The following GRIN2B variants were observed in gnomAD, a reference collection of about 807,000 sequenced individuals.
GRIN2B encodes the protein glutamate receptor ionotropic, NMDA 2B.
In GRIN2B, 5 loss-of-function variants were observed where a neutral mutation model predicts 114.5. The ratio of observed to expected loss-of-function variants is 0.04; its 90% CI spans 0.02 to 0.09. The LOEUF is 0.09. GRIN2B is among the 10% of genes least tolerant of loss of function. GRIN2B has a pLI of 1.00. For synonymous variants in GRIN2B, 787 were observed against 745.1 expected, an observed-to-expected ratio of 1.06 and a Z score of -0.92; for missense variants, 1,108 against 1,943.5, an observed-to-expected ratio of 0.57 and a Z score of 8.08.
At chr12:13,604,979 T>C (rs1023810923) in intron 10 of GRIN2B, among the ~76,000 whole-genome samples, 3 of 152,178 alleles carry the variant, frequency 2.0e-5, no homozygotes, top group Non-Finnish European at 2.9e-5. Flanking sequence ...ACTTGCTGAC[T>C]TGTTGCTTTC....
At chr12:13,759,957 C>T (rs769431261) in intron 3 of GRIN2B, among the ~76,000 whole-genome samples, 11 of 152,154 alleles carry the variant, frequency 7.2e-5, no homozygotes, top group Non-Finnish European at 1.6e-4. Flanking sequence ...ATTTCCCCTG[C>T]CTGAAACACT....
At chr12:13,842,288 G>T (rs1294103021) in intron 3 of GRIN2B, among the ~76,000 whole-genome samples, 4 of 152,162 alleles carry the variant, frequency 2.6e-5, no homozygotes, top group Non-Finnish European at 2.9e-5. Context: ...ACGTAGGTGG[G>T]TAACCACCTA....
At chr12:13,905,154 T>C (rs1176510394) in intron 2 of GRIN2B, among the ~76,000 whole-genome samples, 3 of 152,168 alleles carry the variant, frequency 2.0e-5, no homozygotes, top group East Asian at 3.9e-4. Flanking sequence ...TCATGGAAAA[T>C]TCTACAGCAT....
chr12:13,767,214 C>T (rs1017510966), intron 3 of GRIN2B, among the ~76,000 whole-genome samples: 2 of 147,758 alleles, frequency 1.4e-5, no homozygotes, highest in Admixed American at 1.4e-4. Context: ...GAGCGGAGAT[C>T]GCACCACTGC....
At chr12:13,675,623 G>A in intron 5 of GRIN2B, 122 bp downstream of exon 5, 1 of 739,970 alleles carries the variant, frequency 1.4e-6, no homozygotes, top group Admixed American at 1.9e-5. Flanking sequence ...GTGTATCAAG[G>A]TATTGATCCC....
At chr12:13,977,080 G>A (rs1175032819) in intron 2 of GRIN2B, among the ~76,000 whole-genome samples, 1 of 152,228 alleles carries the variant, frequency 6.6e-6, no homozygotes, top group Non-Finnish European at 1.5e-5. Flanking sequence ...CTTCTCCAGA[G>A]GAAGTCGCTC....
intron 2 of GRIN2B, among the ~76,000 whole-genome samples, chr12:13,910,603 A>G (rs1476665846): frequency 6.6e-6 from 1 of 152,166 alleles, no homozygotes; most frequent in Non-Finnish European, 1.5e-5. Flanking sequence ...TCTCTAAATG[A>G]GCTCTGCCAC....
At chr12:13,618,646 A>G (rs1047497895) in intron 5 of GRIN2B, among the ~76,000 whole-genome samples, 1 of 152,112 alleles carries the variant, frequency 6.6e-6, no homozygotes, top group African/African-American at 2.4e-5. Context: ...ACAATCTCTC[A>G]CTGTCCTCAG....
intron 2 of GRIN2B, among the ~76,000 whole-genome samples, chr12:13,887,990 C>G (rs1199325012): frequency 2.0e-5 from 3 of 152,162 alleles, no homozygotes; most frequent in Non-Finnish European, 4.4e-5. Context: ...CTTCTACAAG[C>G]CTGTTGGCTC....
At chr12:13,609,526 C>A (rs1056350303) in intron 9 of GRIN2B, among the ~76,000 whole-genome samples, 3 of 152,154 alleles carry the variant, frequency 2.0e-5, no homozygotes, top group Non-Finnish European at 2.9e-5. Flanking sequence ...GTAATCCCAG[C>A]ACTTTGGGAG....
At chr12:13,909,573 C>T (rs780755224) in intron 2 of GRIN2B, among the ~76,000 whole-genome samples, 26 of 152,354 alleles carry the variant, frequency 1.7e-4, no homozygotes, top group Non-Finnish European at 2.9e-4. Flanking sequence ...ACAGGTACCA[C>T]ATGGTCTGGT....
chr12:13,666,336 C>T (rs1231076885), intron 5 of GRIN2B, among the ~76,000 whole-genome samples: 1 of 152,146 alleles, frequency 6.6e-6, no homozygotes, highest in Non-Finnish European at 1.5e-5. Flanking sequence ...ACCTCTATGA[C>T]AGCGAAGGAC....
chr12:13,906,079 C>A (rs1400877962), intron 2 of GRIN2B, among the ~76,000 whole-genome samples: 1 of 152,160 alleles, frequency 6.6e-6, no homozygotes, highest in Non-Finnish European at 1.5e-5. Flanking sequence ...CAATACTTTT[C>A]TTGGATTTCA....
chr12:13,679,004 G>A (rs1404992361), intron 4 of GRIN2B, among the ~76,000 whole-genome samples: 2 of 151,656 alleles, frequency 1.3e-5, no homozygotes, highest in Admixed American at 1.3e-4. Flanking sequence ...AAAGAGGAAG[G>A]AAAGAAGGAA....
intron 4 of GRIN2B, among the ~76,000 whole-genome samples, chr12:13,739,953 TG>T (rs1273790137): frequency 6.6e-6 from 1 of 152,190 alleles, no homozygotes; most frequent in African/African-American, 2.4e-5. Context: ...TGTATGCACG[TG>T]GGGGAAGGGG....
intron 3 of GRIN2B, among the ~76,000 whole-genome samples, chr12:13,796,671 A>G (rs1378555227): frequency 6.6e-6 from 1 of 152,230 alleles, no homozygotes; most frequent in Non-Finnish European, 1.5e-5. Context: ...AGTGTCTTCC[A>G]TCTGGCCAGC....
chr12:13,733,459 A>G (rs1863122348), intron 4 of GRIN2B, among the ~76,000 whole-genome samples: 1 of 152,206 alleles, frequency 6.6e-6, no homozygotes, highest in African/African-American at 2.4e-5. Flanking sequence ...GTTAGGGTTC[A>G]CTGAGGCAAG....
At chr12:13,872,034 T>C (rs753370608) in intron 2 of GRIN2B, among the ~76,000 whole-genome samples, 1 of 150,788 alleles carries the variant, frequency 6.6e-6, no homozygotes, top group African/African-American at 2.4e-5. Context: ...GCAAAAGTGG[T>C]ACAGATGGTT....
At chr12:13,784,491 G>C (rs529764261) in intron 3 of GRIN2B, among the ~76,000 whole-genome samples, 14 of 152,096 alleles carry the variant, frequency 9.2e-5, no homozygotes, top group African/African-American at 3.4e-4. Flanking sequence ...ACTAATGATG[G>C]CCTCCCTGTG....
Sources: allele counts gnomAD v4.1 joint callset (sites outside exome capture counted in the v4.1 genomes callset), GRCh38; gene constraint gnomAD v4.1.1; transcripts MANE v1.5; gene names NCBI Gene and HGNC (gene_info 2026-07-23, HGNC 2026-07-21).